Variants in MAGI1 observed in about 807,000 individuals in gnomAD.
The protein encoded by MAGI1 is membrane associated guanylate kinase, WW and PDZ domain containing 1.
In MAGI1, 58 loss-of-function variants were observed where a neutral mutation model predicts 139.9. The ratio of observed to expected loss-of-function variants is 0.41; its 90% CI spans 0.34 to 0.52. The LOEUF (loss-of-function observed/expected upper bound fraction) is 0.52. Ranked by LOEUF, MAGI1 falls within the 20% of genes least tolerant of loss-of-function variation. MAGI1 has a pLI of 0.12. For missense variants in MAGI1, 1,874 were observed against 1,901.6 expected, an observed-to-expected ratio of 0.99 and a Z score of 0.27; for synonymous variants, 812 against 737.9, an observed-to-expected ratio of 1.10 and a Z score of -1.63.
At chr3:65,827,537 C>T (rs1033012073) in intron 1 of MAGI1, among the ~76,000 whole-genome samples, 2 of 152,296 alleles carry the variant, frequency 1.3e-5, no homozygotes, top group Admixed American at 6.5e-5. Context: ...GCTCTTGCTC[C>T]GAAGCCCACT....
chr3:65,704,718 T>C (rs898873428), intron 1 of MAGI1, among the ~76,000 whole-genome samples: 1 of 152,016 alleles, frequency 6.6e-6, no homozygotes, highest in African/African-American at 2.4e-5. Context: ...TGCATTCAAG[T>C]GCATGACGAC....
intron 1 of MAGI1, among the ~76,000 whole-genome samples, chr3:66,021,917 G>A (rs999024791): frequency 5.3e-5 from 8 of 152,280 alleles, no homozygotes; most frequent in African/African-American, 1.9e-4. Flanking sequence ...TGTGTTCAAA[G>A]TTGATGATTT....
chr3:65,419,233 C>CACACACACACACACACAT (rs1303506335), intron 12 of MAGI1, among the ~76,000 whole-genome samples: 21 of 151,720 alleles, frequency 1.4e-4, no homozygotes, highest in South Asian at 4.2e-4. Context: ...CACACACACA[C>CACACACACACACACACAT]ACACACACAC....
intron 1 of MAGI1, among the ~76,000 whole-genome samples, chr3:65,837,322 G>A (rs1295126129): frequency 6.6e-6 from 1 of 152,128 alleles, no homozygotes; most frequent in African/African-American, 2.4e-5. Flanking sequence ...CCCCACAGAT[G>A]AGTATCAACT....
At chr3:65,668,562 CTTTTT>C (rs58434479) in intron 1 of MAGI1, among the ~76,000 whole-genome samples, 2 of 79,888 alleles carry the variant, frequency 2.5e-5, no homozygotes, top group Non-Finnish European at 4.7e-5. Flanking sequence ...CCTTTTTTTT[CTTTTT>C]TTTTTTTTTT....
intron 1 of MAGI1, among the ~76,000 whole-genome samples, chr3:65,783,013 A>AAAAAG (rs2039062051): frequency 6.6e-6 from 1 of 152,118 alleles, no homozygotes; most frequent in African/African-American, 2.4e-5. Flanking sequence ...ACAACAAAAA[A>AAAAAG]AAGAAGAAAA....
intron 1 of MAGI1, among the ~76,000 whole-genome samples, chr3:65,689,938 G>A (rs371715011): frequency 3.3e-5 from 5 of 152,214 alleles, no homozygotes; most frequent in East Asian, 3.9e-4. Flanking sequence ...GCTTCTGGCC[G>A]CACCACCTCT....
chr3:65,930,201 G>A (rs966041181), intron 1 of MAGI1, among the ~76,000 whole-genome samples: 4 of 150,992 alleles, frequency 2.6e-5, no homozygotes, highest in East Asian at 2.0e-4. Flanking sequence ...CTGTAGTCCC[G>A]GCTACTCAGG....
At chr3:65,759,114 G>A (rs959571529) in intron 1 of MAGI1, among the ~76,000 whole-genome samples, 3 of 142,960 alleles carry the variant, frequency 2.1e-5, no homozygotes, top group African/African-American at 8.0e-5. Context: ...GAAACTGAAG[G>A]AAGTCAAAAG....
intron 1 of MAGI1, among the ~76,000 whole-genome samples, chr3:66,015,569 A>G (rs542253649): frequency 1.2e-4 from 19 of 152,346 alleles, no homozygotes; most frequent in African/African-American, 4.3e-4. Flanking sequence ...GTTGATAAAA[A>G]GCACTTCCAG....
chr3:65,472,900 C>T (rs1950639753), intron 4 of MAGI1, among the ~76,000 whole-genome samples: 1 of 152,186 alleles, frequency 6.6e-6, no homozygotes, highest in African/African-American at 2.4e-5. Context: ...AGTATGACAT[C>T]AGTGAAAAAT....
intron 1 of MAGI1, among the ~76,000 whole-genome samples, chr3:65,780,470 A>C (rs1307791204): frequency 6.6e-6 from 1 of 152,226 alleles, no homozygotes; most frequent in Non-Finnish European, 1.5e-5. Context: ...TCAAACGACT[A>C]ACAATGAGGT....
intron 2 of MAGI1, among the ~76,000 whole-genome samples, chr3:65,530,804 T>TAC (rs72006337): frequency 0.021 from 1,383 of 67,414 alleles, 149 homozygotes; most frequent in African/African-American, 0.09. Flanking sequence ...TATATATATA[T>TAC]ACACACATAT....
chr3:65,696,477 T>C (rs781549426), intron 1 of MAGI1, among the ~76,000 whole-genome samples: 1 of 152,148 alleles, frequency 6.6e-6, no homozygotes. Context: ...AGTTGATACA[T>C]AAGGAGTCCC....
chr3:65,651,986 A>G (rs2107318211), intron 1 of MAGI1, among the ~76,000 whole-genome samples: 1 of 152,252 alleles, frequency 6.6e-6, no homozygotes, highest in South Asian at 2.1e-4. Context: ...AAAAAACCCC[A>G]CTCTAATTAA....
At chr3:65,491,141 G>A (rs912792105) in intron 3 of MAGI1, among the ~76,000 whole-genome samples, 1 of 152,076 alleles carries the variant, frequency 6.6e-6, no homozygotes, top group Non-Finnish European at 1.5e-5. Flanking sequence ...GTTATATCTA[G>A]GATATTCTTC....
intron 2 of MAGI1, among the ~76,000 whole-genome samples, chr3:65,540,669 G>A: frequency 6.6e-6 from 1 of 152,178 alleles, no homozygotes; most frequent in East Asian, 1.9e-4. Flanking sequence ...AAAGCTGTTT[G>A]CCAGGTGCTA....
chr3:65,532,183 G>A lies in MAGI1; in HGVS notation c.431-38552C>T, dbSNP rs574164725. On this transcript the variant is annotated intron_variant, in intron 2 of 22. Transcript: ENST00000402939. ...TTTACTCCAATGGTTTCTATTCAAC[G>A]TTCCAATCATTTCCTATTGGGAGCA... 3.9e-5 allele frequency among the ~76,000 whole-genome samples: 6 copies of A among 152,156 alleles called. No individual in the cohort carries two copies. In the East Asian group the frequency reaches 7.7e-4, roughly 20 times the overall value.
chr3:65,944,204 C>T (rs1418211330), intron 1 of MAGI1, among the ~76,000 whole-genome samples: 1 of 152,122 alleles, frequency 6.6e-6, no homozygotes, highest in Non-Finnish European at 1.5e-5. Context: ...ACTTGTTAAG[C>T]AGGCAAGATA....
Sources: allele counts gnomAD v4.1 joint callset (sites outside exome capture counted in the v4.1 genomes callset), GRCh38; gene constraint gnomAD v4.1.1; transcripts MANE v1.5; gene names NCBI Gene and HGNC (gene_info 2026-07-23, HGNC 2026-07-21).